TLN2: variants seen among roughly 807,000 people sequenced by gnomAD.
TLN2 encodes talin 2.
TLN2 carries 118 observed loss-of-function variants against 294.7 expected under a neutral mutation model. The observed-to-expected ratio is 0.40, with a 90% CI of 0.34 to 0.47. The LOEUF (loss-of-function observed/expected upper bound fraction) is 0.47. TLN2 is among the 20% of genes least tolerant of loss of function. The pLI is 0.84. For missense variants in TLN2, 3,083 were observed against 3,282.2 expected (o/e 0.94, Z 1.48); for synonymous variants, 1,431 against 1,304.5 (o/e 1.10, Z -2.09).
At chr15:62,509,552 G>A (rs2039819976) in intron 1 of TLN2, among the ~76,000 whole-genome samples, 1 of 152,198 alleles carries the variant, frequency 6.6e-6, no homozygotes, top group Non-Finnish European at 1.5e-5. Flanking sequence ...ACACAGCAGT[G>A]TGGGTGCGAG....
chr15:62,766,258 T>G (rs2062996584), intron 40 of TLN2, 63 bp from the exon 41 acceptor site: 28 of 1,442,578 alleles, frequency 1.9e-5, no homozygotes, highest in Non-Finnish European at 2.7e-5. Flanking sequence ...GGGGCCTTTT[T>G]GAATCAGTGC....
At chr15:62,606,397 G>T (rs2047451473) in intron 2 of TLN2, among the ~76,000 whole-genome samples, 1 of 152,010 alleles carries the variant, frequency 6.6e-6, no homozygotes, top group African/African-American at 2.4e-5. Flanking sequence ...GGCCCCAAAA[G>T]ATATTTTTTT....
chr15:62,800,857 G>GT (rs1482870244), intron 50 of TLN2, 88 bp downstream of exon 50: 3 of 1,116,792 alleles, frequency 2.7e-6, no homozygotes, highest in Admixed American at 4.7e-5. Flanking sequence ...TACCAATGAG[G>GT]TTTTACCTAA....
intron 1 of TLN2, among the ~76,000 whole-genome samples, chr15:62,413,837 C>T (rs1196197240): frequency 2.0e-5 from 3 of 152,124 alleles, no homozygotes; most frequent in Non-Finnish European, 4.4e-5. Flanking sequence ...TTATGTTGCA[C>T]AGTTCAGCAA....
At chr15:62,819,365 G>A (rs2141202157) in intron 52 of TLN2, 151 bp from the exon 53 acceptor site, 1 of 638,892 alleles carries the variant, frequency 1.6e-6, no homozygotes, top group Non-Finnish European at 2.8e-6. Context: ...TGAGTCGTAA[G>A]GGTTTTCCAC....
rs774454182 is a variant in TLN2, at chr15:62,755,567, G to T, written c.4512G>T (p.Thr1504=). The T allele has an allele frequency of 1.2e-6, 2 of 1,614,068 alleles. No homozygotes were observed. The highest frequency in any genetic ancestry group is 2.7e-5 in the African/African-American group (2 of 74,928). ...LSAATIVAKH[T]SALCNACRIA... The stretch of plus-strand genomic sequence containing the variant: ...CCGCCACAATTGTTGCCAAGCACAC[G>T]TCAGCCTTGTGCAATGCCTGCCGCA... The change falls in exon 37 of 59, where the codon ACG becomes ACT. Residue 1504 remains threonine, a synonymous_variant. Transcript: ENST00000636159.
chr15:62,686,043 G>C (rs2057260343), intron 11 of TLN2, among the ~76,000 whole-genome samples: 1 of 152,034 alleles, frequency 6.6e-6, no homozygotes, highest in East Asian at 1.9e-4. Flanking sequence ...GTGTGAGCTA[G>C]GGTTCCATTA....
rs1284025521 is a variant in TLN2 at position 62,748,418 on chromosome 15, T to C, written c.4093T>C (p.Cys1365Arg). The change falls in exon 33 of 59, where the codon TGC becomes CGC. Residue 1365 changes from cysteine to arginine, a missense_variant. Cys to Arg is a radical substitution (Grantham distance 180). Transcript: ENST00000636159. ...CTQQAPGQKE[C>R]DNALRELETV... ...CCAACAAGCTCCGGGCCAGAAAGAG[T>C]GCGATAATGCCCTGCGGGAGCTCGA... is the stretch of plus-strand genomic sequence containing the variant. 6.2e-7 allele frequency: 1 copy of C among 1,612,762 alleles called. No individual in the cohort carries two copies. The highest frequency in any genetic ancestry group is 1.3e-5 in the African/African-American group (1 of 74,546).
intron 57 of TLN2, 87 bp from the exon 58 acceptor site, chr15:62,838,769 T>C (rs879222562): frequency 1.3e-6 from 2 of 1,519,924 alleles, no homozygotes; most frequent in South Asian, 2.5e-5. Flanking sequence ...TGACTCATGG[T>C]CTCACAAACT....
intron 32 of TLN2, among the ~76,000 whole-genome samples, chr15:62,744,006 C>T (rs561054596): frequency 8.5e-5 from 13 of 152,274 alleles, no homozygotes; most frequent in South Asian, 8.3e-4. Context: ...GCAGCACAAA[C>T]GAGAAGAGTG....
chr15:62,634,115 G>A (rs866661301), intron 3 of TLN2, among the ~76,000 whole-genome samples: 23 of 152,320 alleles, frequency 1.5e-4, no homozygotes, highest in Middle Eastern at 3.4e-3. Context: ...GGTCCTGGGG[G>A]TTAGGACCTT....
intron 7 of TLN2, 108 bp from the exon 8 acceptor site, chr15:62,655,836 T>G (rs2053147218): frequency 1.6e-6 from 2 of 1,216,474 alleles, no homozygotes; most frequent in African/African-American, 3.0e-5. Flanking sequence ...CTACTATAAC[T>G]AAGTATCAGA....
chr15:62,747,715 G>T (rs1428129436), intron 32 of TLN2, among the ~76,000 whole-genome samples: 3 of 152,210 alleles, frequency 2.0e-5, no homozygotes, highest in Non-Finnish European at 2.9e-5. Flanking sequence ...AAAAATTCAT[G>T]TATAGCTTTT....
chr15:62,802,344 C>G (rs2065983706), intron 50 of TLN2, among the ~76,000 whole-genome samples: 1 of 151,762 alleles, frequency 6.6e-6, no homozygotes, highest in South Asian at 2.1e-4. Flanking sequence ...ATGTGTACCA[C>G]AGTAGCCAAG....
chr15:62,556,370 G>A (rs1356607500), intron 1 of TLN2, among the ~76,000 whole-genome samples: 3 of 151,434 alleles, frequency 2.0e-5, no homozygotes, highest in African/African-American at 4.9e-5. Context: ...GCAGTGGCAC[G>A]ATCAGGGCTC....
chr15:62,760,374 T>C (rs2062587074), intron 37 of TLN2, among the ~76,000 whole-genome samples: 1 of 152,136 alleles, frequency 6.6e-6, no homozygotes, highest in East Asian at 1.9e-4. Context: ...CCTCTTGCTC[T>C]ACTGAAAAAC....
intron 1 of TLN2, among the ~76,000 whole-genome samples, chr15:62,529,603 A>G (rs1320059186): frequency 6.7e-6 from 1 of 150,166 alleles, no homozygotes; most frequent in Non-Finnish European, 1.5e-5. Context: ...CAGAGGGTGG[A>G]TAAGTAGGGA....
At chr15:62,444,256 C>T (rs567641376) in intron 1 of TLN2, among the ~76,000 whole-genome samples, 1 of 152,306 alleles carries the variant, frequency 6.6e-6, no homozygotes, top group East Asian at 1.9e-4. Flanking sequence ...GAGAAATGGG[C>T]CTTGGTCTTC....
At chr15:62,624,735 G>A (rs2049129813) in intron 3 of TLN2, among the ~76,000 whole-genome samples, 2 of 152,224 alleles carry the variant, frequency 1.3e-5, no homozygotes, top group Admixed American at 6.5e-5. Flanking sequence ...GTGTCTGCAT[G>A]TGTGTACGCA....
Sources: gnomAD v4.1 joint callset for allele counts (sites outside exome capture counted in the v4.1 genomes callset) on GRCh38, gnomAD v4.1.1 for gene constraint, MANE v1.5 for transcripts, NCBI Gene and HGNC (gene_info 2026-07-23, HGNC 2026-07-21) for gene names.